Variants in DLGAP4 observed in about 807,000 individuals in gnomAD.
DLGAP4 encodes disks large-associated protein 4.
In DLGAP4, 18 loss-of-function variants were observed where a neutral mutation model predicts 86.9. That is an observed-to-expected ratio of 0.21 (90% confidence interval 0.14 to 0.31). The LOEUF (loss-of-function observed/expected upper bound fraction) is 0.31, where lower values mean the gene tolerates loss of function less well. Ranked by LOEUF, DLGAP4 falls within the 10% of genes least tolerant of loss-of-function variation. The probability of loss-of-function intolerance (pLI) is 1.00; values close to 1 mark genes in which losing one functional copy is unlikely to be tolerated. For missense variants in DLGAP4, 1,085 were observed against 1,362.6 expected (o/e 0.80, Z 3.21); for synonymous variants, 548 against 574.3 (o/e 0.95, Z 0.65).
rs539099042 is a variant in DLGAP4, at chr20:36,425,354, A to G, written c.-72-6292A>G. On this transcript the variant is annotated intron_variant, in intron 2 of 12. Transcript: ENST00000339266. Reference sequence around the variant, plus strand: ...TGCTCAACATCATTAGTCATCAGGAAAATGCAAATCAAAGCCACAGGGAGA... The same window carrying G: ...TGCTCAACATCATTAGTCATCAGGAGAATGCAAATCAAAGCCACAGGGAGA... 3.9e-5 allele frequency among the ~76,000 whole-genome samples: 6 copies of G among 152,326 alleles called. No individual in the cohort carries two copies. In the South Asian group the frequency reaches 1.0e-3, roughly 26 times the overall value.
intron 10 of DLGAP4, chr20:36,510,879 C>T (rs920485474): frequency 6.6e-6 from 1 of 152,204 alleles, no homozygotes; most frequent in Admixed American, 6.5e-5. Flanking sequence ...CTTTCAATTA[C>T]CATGGCTTTG....
In DLGAP4 at chr20:36,500,857, C is replaced by T. The variant is rs2036114615; in HGVS notation, c.2512+246C>T. 6.6e-6 allele frequency among the ~76,000 whole-genome samples: 1 copy of T among 152,134 alleles called. No homozygotes were observed. The highest frequency in any genetic ancestry group is 1.5e-5 in the Non-Finnish European group (1 of 68,020). On this transcript the variant is annotated intron_variant, in intron 10 of 12. Transcript: ENST00000339266. This position sits in a 1 kb window ranked among gnomAD's most constrained non-coding sequence, Gnocchi z 4.6. ...GTGCAGGCTGTGAGGCCACCCACAC[C>T]TGGGTTTGAATCCCAGCTCCTCCCT...
chr20:36,477,925 A>C (rs1235710166), intron 7 of DLGAP4, among the ~76,000 whole-genome samples: 4 of 152,232 alleles, frequency 2.6e-5, no homozygotes, highest in African/African-American at 9.6e-5. Flanking sequence ...ACCCTCCACA[A>C]GTTGCAGCTT....
intron 7 of DLGAP4, among the ~76,000 whole-genome samples, chr20:36,464,850 C>CAA (rs745819855): frequency 7.7e-6 from 1 of 129,162 alleles, no homozygotes; most frequent in Non-Finnish European, 1.7e-5. Context: ...AACTCTGTCT[C>CAA]AAAAAAAAAA....
chr20:36,323,857 G>A (rs995232456), intron 1 of DLGAP4, among the ~76,000 whole-genome samples: 3 of 152,220 alleles, frequency 2.0e-5, no homozygotes, highest in Admixed American at 6.5e-5. Context: ...TAATGCCACC[G>A]CTGATCTGAC....
chr20:36,392,208 GGAGA>G (rs749154537), intron 2 of DLGAP4, among the ~76,000 whole-genome samples: 8 of 152,196 alleles, frequency 5.3e-5, no homozygotes, highest in Non-Finnish European at 1.2e-4. Context: ...GCTGCCACTA[GGAGA>G]GAGACAGGAG....
chr20:36,418,446 A>T (rs1005397865), intron 2 of DLGAP4, among the ~76,000 whole-genome samples: 2 of 152,148 alleles, frequency 1.3e-5, no homozygotes, highest in East Asian at 3.8e-4. Context: ...CCTTGGTTCC[A>T]TCTCTGTAGT....
At chr20:36,324,054 T>C (rs2065194493) in intron 1 of DLGAP4, among the ~76,000 whole-genome samples, 1 of 152,186 alleles carries the variant, frequency 6.6e-6, no homozygotes, top group Admixed American at 6.5e-5. Flanking sequence ...TTTGGGTGTA[T>C]TTTCTTTTGG....
chr20:36,475,451 C>T (rs1364053838), intron 7 of DLGAP4, among the ~76,000 whole-genome samples: 6 of 152,146 alleles, frequency 3.9e-5, no homozygotes, highest in South Asian at 2.1e-4. Flanking sequence ...CCTTGTGATC[C>T]GCCCGCCTCG....
chr20:36,382,199 C>A (rs1327584592), intron 2 of DLGAP4, among the ~76,000 whole-genome samples: 1 of 152,204 alleles, frequency 6.6e-6, no homozygotes, highest in Admixed American at 6.5e-5. Context: ...TGAGACATTT[C>A]TTGGCCCATT....
At chr20:36,433,111 C>A (rs1182135723) in intron 3 of DLGAP4, among the ~76,000 whole-genome samples, 1 of 152,150 alleles carries the variant, frequency 6.6e-6, no homozygotes, top group Non-Finnish European at 1.5e-5. Context: ...AGCCATGTGT[C>A]CCCAAGGCCC....
At chr20:36,511,734 G>A (rs960674583) in intron 10 of DLGAP4, among the ~76,000 whole-genome samples, 1 of 151,644 alleles carries the variant, frequency 6.6e-6, no homozygotes, top group Non-Finnish European at 1.5e-5. Flanking sequence ...AATCAGCTGG[G>A]TGTCATCGTG....
intron 1 of DLGAP4, among the ~76,000 whole-genome samples, chr20:36,332,109 T>C (rs1555891608): frequency 6.6e-6 from 1 of 152,102 alleles, no homozygotes; most frequent in East Asian, 1.9e-4. Flanking sequence ...TGTGATCAGA[T>C]TCATGGGCAT....
chr20:36,460,437 A>C (rs974267385), intron 7 of DLGAP4, among the ~76,000 whole-genome samples: 3 of 152,280 alleles, frequency 2.0e-5, no homozygotes, highest in African/African-American at 7.2e-5. Context: ...TATTATTTTT[A>C]CACCTTAATG....
chr20:36,343,850 C>T (rs1555892739), intron 1 of DLGAP4, among the ~76,000 whole-genome samples: 1 of 152,232 alleles, frequency 6.6e-6, no homozygotes, highest in Admixed American at 6.5e-5. Flanking sequence ...TGGTGGGCCC[C>T]GAGTGGCTGC....
chr20:36,363,267 A>G (rs1375156133), intron 1 of DLGAP4, among the ~76,000 whole-genome samples: 1 of 152,192 alleles, frequency 6.6e-6, no homozygotes, highest in East Asian at 1.9e-4. Flanking sequence ...GAGGTGGTGC[A>G]GGGCTGCCTG....
At chr20:36,482,012 C>G (rs756648602) in intron 7 of DLGAP4, among the ~76,000 whole-genome samples, 1 of 152,146 alleles carries the variant, frequency 6.6e-6, no homozygotes, top group Non-Finnish European at 1.5e-5. Context: ...TTTTCTGTGT[C>G]TCTGTCCCCC....
At chr20:36,317,732 G>A (rs1429427673) in intron 1 of DLGAP4, among the ~76,000 whole-genome samples, 1 of 151,162 alleles carries the variant, frequency 6.6e-6, no homozygotes, top group Non-Finnish European at 1.5e-5. Context: ...CTGGTTTTGT[G>A]GGCGTGAGCC....
chr20:36,436,480 C>T (rs2033282965), intron 4 of DLGAP4, 130 bp downstream of exon 4: 1 of 1,382,872 alleles, frequency 7.2e-7, no homozygotes, highest in Non-Finnish European at 9.5e-7. Flanking sequence ...CCCTTTGAGC[C>T]ACGCCCACTC....
Sources: allele counts gnomAD v4.1 joint callset (sites outside exome capture counted in the v4.1 genomes callset), GRCh38; gene constraint gnomAD v4.1.1; non-coding constraint Gnocchi (gnomAD v3.1); transcripts MANE v1.5; gene names NCBI Gene and HGNC (gene_info 2026-07-23, HGNC 2026-07-21).